Variants in OSBPL9 observed in about 807,000 individuals in gnomAD.
OSBPL9 encodes the protein oxysterol-binding protein-related protein 9.
Under a neutral mutation model 106.6 loss-of-function variants are expected in OSBPL9, and 40 were observed. The observed-to-expected ratio is 0.38, with a 90% CI of 0.29 to 0.49. OSBPL9 has a LOEUF of 0.49. Ranked by LOEUF, OSBPL9 falls within the 20% of genes least tolerant of loss-of-function variation. The probability of loss-of-function intolerance (pLI) is 0.97; values close to 1 mark genes in which losing one functional copy is unlikely to be tolerated. For synonymous variants in OSBPL9, 269 were observed against 295.4 expected, an observed-to-expected ratio of 0.91 and a Z score of 0.92; for missense variants, 609 against 887.2, an observed-to-expected ratio of 0.69 and a Z score of 3.98.
intron 7 of OSBPL9, among the ~76,000 whole-genome samples, chr1:51,749,254 A>G (rs982108262): frequency 1.3e-5 from 2 of 152,202 alleles, no homozygotes; most frequent in African/African-American, 4.8e-5. Flanking sequence ...AGGTAAAATA[A>G]TAATTTGATT....
intron 2 of OSBPL9, among the ~76,000 whole-genome samples, chr1:51,662,814 G>A (rs376357419): frequency 2.9e-4 from 42 of 145,442 alleles, no homozygotes; most frequent in African/African-American, 9.4e-4. Flanking sequence ...GCGTGATCTC[G>A]GCTCACTGTA....
intron 16 of OSBPL9, 34 bp from the exon 17 acceptor site, chr1:51,782,525 C>T (rs201554560): frequency 3.8e-6 from 6 of 1,595,138 alleles, no homozygotes; most frequent in Non-Finnish European, 5.2e-6. Flanking sequence ...TGTGTTTTCT[C>T]ATCAAAAGAA....
chr1:51,729,837 C>T lies in OSBPL9; in HGVS notation c.319-15699C>T. On this transcript the variant is annotated intron_variant, in intron 4 of 23. Transcript: ENST00000428468. The surrounding 1 kb of genome is among the most constrained non-coding windows in gnomAD (Gnocchi z 5.1). ...GGTGAAGGGGGTGAAGGGGGTGTCCCGGGGGACGGGCTGAACCTCAGTCAG... is the reference window on the plus strand; with the variant it reads ...GGTGAAGGGGGTGAAGGGGGTGTCCTGGGGGACGGGCTGAACCTCAGTCAG... 1 of 1,244,916 alleles carries T rather than the reference C, an allele frequency of 8.0e-7. No individual in the cohort carries two copies. Among genetic ancestry groups the T allele is most frequent in the Non-Finnish European group, 1.0e-6 (1 of 987,596 alleles). 77.1% of individuals were successfully genotyped at this position (1,244,916 alleles called of 1,614,324 possible).
upstream of OSBPL9, among the ~76,000 whole-genome samples, chr1:51,573,291 C>T (rs1645162649): frequency 6.6e-6 from 1 of 151,390 alleles, no homozygotes; most frequent in South Asian, 2.1e-4. Flanking sequence ...GACAGATCAC[C>T]TGAGGTTGGG....
chr1:51,678,158 G>C (rs1399337072), intron 3 of OSBPL9, among the ~76,000 whole-genome samples: 1 of 152,224 alleles, frequency 6.6e-6, no homozygotes, highest in Admixed American at 6.5e-5. Flanking sequence ...ACTTCAGCCT[G>C]GGTGACACAG....
intron 1 of OSBPL9, among the ~76,000 whole-genome samples, chr1:51,587,163 C>T (rs1474223361): frequency 1.3e-5 from 2 of 152,100 alleles, no homozygotes; most frequent in African/African-American, 2.4e-5. Flanking sequence ...GTCAGGAGTT[C>T]GAGACTGGCC....
upstream of OSBPL9, among the ~76,000 whole-genome samples, chr1:51,616,010 T>G (rs1036279496): frequency 9.2e-6 from 1 of 108,246 alleles, no homozygotes; most frequent in Admixed American, 8.8e-5. Flanking sequence ...TTGGTTTTTT[T>G]TTTTTTTTTT....
intron 1 of OSBPL9, among the ~76,000 whole-genome samples, chr1:51,591,797 C>CAG (rs756581835): frequency 7.0e-6 from 1 of 142,534 alleles, no homozygotes; most frequent in Non-Finnish European, 1.5e-5. Context: ...AAGAAAGAGA[C>CAG]AGAGAGAGAG....
intron 1 of OSBPL9, among the ~76,000 whole-genome samples, chr1:51,586,644 T>C (rs1645249330): frequency 6.6e-6 from 1 of 152,204 alleles, no homozygotes; most frequent in Non-Finnish European, 1.5e-5. Context: ...AATTGCATAC[T>C]GTGGCTTAGA....
intron 2 of OSBPL9, among the ~76,000 whole-genome samples, chr1:51,663,380 A>C (rs1259297255): frequency 6.6e-6 from 1 of 151,840 alleles, no homozygotes. Context: ...TCCATTCCTG[A>C]TTCCTGCCTT....
chr1:51,603,261 A>G (rs1467355352), intron 2 of OSBPL9, among the ~76,000 whole-genome samples: 1 of 152,266 alleles, frequency 6.6e-6, no homozygotes, highest in South Asian at 2.1e-4. Context: ...TTTGTTAACT[A>G]GCAATATAAT....
intron 1 of OSBPL9, among the ~76,000 whole-genome samples, chr1:51,631,366 C>T (rs938134827): frequency 6.6e-6 from 1 of 152,018 alleles, no homozygotes; most frequent in South Asian, 2.1e-4. Flanking sequence ...CATAGTGAGA[C>T]CCCATCTCTA....
At chr1:51,695,683 C>T (rs150451568) in intron 3 of OSBPL9, among the ~76,000 whole-genome samples, 1 of 152,268 alleles carries the variant, frequency 6.6e-6, no homozygotes, top group Non-Finnish European at 1.5e-5. Context: ...ATTCCATTCT[C>T]ATTGCTGCTT....
chr1:51,609,215 T>G (rs1052963651), intron 2 of OSBPL9, among the ~76,000 whole-genome samples: 34 of 152,142 alleles, frequency 2.2e-4, no homozygotes, highest in African/African-American at 8.2e-4. Flanking sequence ...TAATCTTTTT[T>G]CCTGGTTTCT....
intron 4 of OSBPL9, among the ~76,000 whole-genome samples, chr1:51,728,915 T>G (rs977774134): frequency 3.3e-5 from 5 of 152,124 alleles, no homozygotes; most frequent in African/African-American, 1.2e-4. Flanking sequence ...ATTGGACGTT[T>G]AGTAGAGTCC....
intron 3 of OSBPL9, among the ~76,000 whole-genome samples, chr1:51,687,660 G>A (rs534404481): frequency 1.3e-5 from 2 of 152,162 alleles, no homozygotes; most frequent in Non-Finnish European, 2.9e-5. Context: ...GTGTGGAAAA[G>A]GATGACCTGT....
rs1678350336 is a variant in OSBPL9 at position 51,788,861 on chromosome 1, C to CTTTT, written c.*1075_*1078dup. On this transcript the variant is annotated 3_prime_UTR_variant, in exon 24 of 24. Coordinates refer to ENST00000428468, the MANE Select transcript of OSBPL9 (RefSeq NM_024586.6). ...CTATATCTATCTATCTATCTATCATCTTTTTTATTTAAAAATACATTAAAA... is the reference window on the plus strand; with the variant it reads ...CTATATCTATCTATCTATCTATCATCTTTTTTTTTTATTTAAAAATACATTAAAA... 6.6e-6 allele frequency among the ~76,000 whole-genome samples: 1 copy of CTTTT among 151,762 alleles called. No individual in the cohort carries two copies. Among genetic ancestry groups the CTTTT allele is most frequent in the Admixed American group, 6.6e-5 (1 of 15,238 alleles).
the OSBPL9 span, among the ~76,000 whole-genome samples, chr1:51,547,395 C>A: frequency 5.7e-4 from 86 of 151,774 alleles, no homozygotes; most frequent in Non-Finnish European, 1.1e-3. Context: ...AGAAAAAATG[C>A]GATTAAAACA....
chr1:51,554,924 G>A, the OSBPL9 span, among the ~76,000 whole-genome samples: 1 of 152,190 alleles, frequency 6.6e-6, no homozygotes, highest in East Asian at 1.9e-4. Flanking sequence ...TACTGGCCCA[G>A]AGGTTGTAAT....
Sources: allele counts gnomAD v4.1 joint callset (sites outside exome capture counted in the v4.1 genomes callset), GRCh38; gene constraint gnomAD v4.1.1; non-coding constraint Gnocchi (gnomAD v3.1); transcripts MANE v1.5; gene names NCBI Gene and HGNC (gene_info 2026-07-23, HGNC 2026-07-21).